Variants in POLD1 observed in about 807,000 individuals in gnomAD.
POLD1 encodes the protein DNA polymerase delta 1, catalytic subunit, also known as DNA polymerase delta catalytic subunit.
A neutral mutation model predicts 129.7 loss-of-function variants in POLD1; 79 were observed. That is an observed-to-expected ratio of 0.61 (90% CI 0.51 to 0.73). The LOEUF is 0.73. Ranked by LOEUF, POLD1 falls within the 30% of genes least tolerant of loss-of-function variation. POLD1 has a pLI of 0.00. For synonymous variants in POLD1, 714 were observed against 683.3 expected, an observed-to-expected ratio of 1.04 and a Z score of -0.70; for missense variants, 1,338 against 1,595.8, an observed-to-expected ratio of 0.84 and a Z score of 2.75.
chr19:50,409,121 G>C lies in POLD1; in HGVS notation c.1893-1G>C. Reference sequence around the variant, plus strand: ...AGTCACCCCAACATCTTCCAACCCAGCCTGACTGAGGATCAGTTCATCAGG... The same window carrying C: ...AGTCACCCCAACATCTTCCAACCCACCCTGACTGAGGATCAGTTCATCAGG... On this transcript the variant is annotated splice_acceptor_variant, in intron 15 of 26. Transcript: ENST00000440232. LOFTEE classifies it high-confidence loss of function. This position sits in a 1 kb window ranked among gnomAD's most constrained non-coding sequence, Gnocchi z 5.8. 1 of 1,606,044 alleles carries C rather than the reference G, an allele frequency of 6.2e-7. No individual in the cohort carries two copies. The highest frequency in any genetic ancestry group is 8.5e-7 in the Non-Finnish European group (1 of 1,172,814).
chr19:50,401,225 G>A (rs1344353286), intron 3 of POLD1, among the ~76,000 whole-genome samples: 2 of 148,138 alleles, frequency 1.4e-5, no homozygotes, highest in African/African-American at 4.9e-5. Context: ...GGAGGTGGTT[G>A]AAATATAAAT....
Position 50,407,116 on chromosome 19 carries a change from T to C in POLD1, c.1628T>C (p.Leu543Pro). The part of the protein sequence containing the change: ...VEMARVTGVP[L>P]SYLLSRGQQV... ...ATGGCGAGGGTCACTGGCGTGCCCC[T>C]CAGCTACCTGCTCAGTCGTGGCCAG... The change falls in exon 13 of 27, where the codon CTC (leucine) becomes CCC (proline). Residue 543 changes from leucine to proline, a missense_variant. Physicochemically the swap from Leu to Pro is moderately conservative, Grantham distance 98 (BLOSUM62 -3). Around this residue, in one of 3 missense-constraint regions of POLD1, gnomAD observed 720 missense variants for 1,002.6 expected, o/e 0.72. Coordinates refer to ENST00000440232, the MANE Select transcript of POLD1 (RefSeq NM_002691.4). 6.2e-7 allele frequency: 1 copy of C among 1,613,376 alleles called. No individual in the cohort carries two copies. Among genetic ancestry groups the C allele is most frequent in the East Asian group, 2.2e-5 (1 of 44,878 alleles).
intron 1 of POLD1, among the ~76,000 whole-genome samples, chr19:50,394,504 A>T (rs1208390934): frequency 6.6e-6 from 1 of 152,016 alleles, no homozygotes; most frequent in Non-Finnish European, 1.5e-5. Context: ...ATACAAAAAA[A>T]AATTAGCGGG....
At chr19:50,416,895 G>C in intron 24 of POLD1, 150 bp from the exon 25 acceptor site, 1 of 1,036,336 alleles carries the variant, frequency 9.6e-7, no homozygotes, top group Non-Finnish European at 1.4e-6. Flanking sequence ...CCCACCCCGG[G>C]AGTTCCCCAG....
chr19:50,397,104 A>G (rs569342876), intron 1 of POLD1, among the ~76,000 whole-genome samples: 2 of 123,396 alleles, frequency 1.6e-5, no homozygotes, highest in East Asian at 5.3e-4. Context: ...AAAAAAAAAA[A>G]AAAGAAAACA....
rs3219421 is a variant in POLD1, at chr19:50,413,332, G to T, written c.2155-94G>T. On this transcript the variant is annotated intron_variant, in intron 17 of 26. Transcript: ENST00000440232. The stretch of plus-strand genomic sequence containing the variant: ...GGCTTGTACATAAGCCTATGCCACT[G>T]GGAAATGGCAGAGGCGGGACCCCTC... 1,254 of 1,011,456 alleles carry T rather than the reference G, an allele frequency of 1.2e-3. 8 individuals are homozygous for T. The African/African-American group carries it at 0.017, about 14-fold the overall frequency. 62.7% of individuals were successfully genotyped at this position (1,011,456 alleles called of 1,614,324 possible).
At chr19:50,400,622 T>A (rs1364898242) in intron 3 of POLD1, among the ~76,000 whole-genome samples, 1 of 135,884 alleles carries the variant, frequency 7.4e-6, no homozygotes, top group Non-Finnish European at 1.5e-5. Flanking sequence ...AACCTCAACC[T>A]CCAGGGCTCA....
chr19:50,405,214 A>G (rs1380736887), intron 10 of POLD1, among the ~76,000 whole-genome samples: 2 of 152,088 alleles, frequency 1.3e-5, no homozygotes, highest in Non-Finnish European at 2.9e-5. Flanking sequence ...CCTAGCCCAC[A>G]TGTCCTCTTT....
chr19:50,413,078 G>A (rs947342838), intron 17 of POLD1, among the ~76,000 whole-genome samples: 1 of 152,132 alleles, frequency 6.6e-6, no homozygotes, highest in Non-Finnish European at 1.5e-5. Context: ...TGGCTATGTC[G>A]GTGGTCCTGT....
Position 50,407,227 on chromosome 19 carries a change from C to A in POLD1, c.1686+53C>A, listed in dbSNP as rs1403120667. ...CCCCCCACCAGGCACGTCTGTGGCC[C>A]CCTCCAGGCAATGGCATCCTGGATG... On this transcript the variant is annotated intron_variant, in intron 13 of 26. Coordinates refer to ENST00000440232, the MANE Select transcript of POLD1 (RefSeq NM_002691.4). 5 of 1,557,544 alleles carry A rather than the reference C, an allele frequency of 3.2e-6. No homozygotes were observed. The African/African-American group carries it at 6.8e-5, about 21-fold the overall frequency.
chr19:50,387,499 TGA>T (rs963670028), intron 1 of POLD1, among the ~76,000 whole-genome samples: 1 of 152,112 alleles, frequency 6.6e-6, no homozygotes, highest in African/African-American at 2.4e-5. Flanking sequence ...CCAGGGCCAA[TGA>T]GAGGGGACAC....
At chr19:50,400,133 ATTTTTTT>A (rs71182715) in intron 3 of POLD1, among the ~76,000 whole-genome samples, 922 of 48,128 alleles carry the variant, frequency 0.019, 3 homozygotes, top group Non-Finnish European at 0.022. Flanking sequence ...TTTTTAAAAG[ATTTTTTT>A]TTTTTTTTTT....
At chr19:50,385,314 G>T (rs1027509920) in intron 1 of POLD1, among the ~76,000 whole-genome samples, 4 of 152,152 alleles carry the variant, frequency 2.6e-5, no homozygotes, top group Admixed American at 2.6e-4. Context: ...GGAGCAAGGG[G>T]AAGAGTCCAG....
At chr19:50,389,555 T>G (rs1568605570) in intron 1 of POLD1, among the ~76,000 whole-genome samples, 1 of 152,116 alleles carries the variant, frequency 6.6e-6, no homozygotes, top group Non-Finnish European at 1.5e-5. Flanking sequence ...CACGTGTCCC[T>G]GTAATATTCT....
At chr19:50,401,028 G>A (rs571746452) in intron 3 of POLD1, among the ~76,000 whole-genome samples, 1 of 151,362 alleles carries the variant, frequency 6.6e-6, no homozygotes, top group Admixed American at 6.6e-5. Context: ...TTTTGGGCCC[G>A]GCATGGTGGC....
intron 1 of POLD1, among the ~76,000 whole-genome samples, chr19:50,388,258 C>G (rs1050794508): frequency 6.6e-6 from 1 of 152,096 alleles, no homozygotes; most frequent in African/African-American, 2.4e-5. Context: ...TGATGGTTGC[C>G]TAACTCTGAA....
rs2038681850 is a variant in POLD1, at chr19:50,402,365, T to C, written c.750T>C (p.Phe250=). The change falls in exon 6 of 27, where the codon TTT becomes TTC. Residue 250 remains phenylalanine, a synonymous_variant. Coordinates refer to ENST00000440232, the MANE Select transcript of POLD1 (RefSeq NM_002691.4). ...SFAPYEANVD[F]EIRFMVDTDI... ...CGCCCTACGAGGCCAACGTCGACTT[T>C]GAGATCCGGTACGGCCTCTGCCTCA... 1.9e-6 allele frequency: 3 copies of C among 1,611,200 alleles called. No homozygotes were observed. Among genetic ancestry groups the C allele is most frequent in the Admixed American group, 3.3e-5 (2 of 59,918 alleles).
At position 50,415,008 on chromosome 19, in the gene POLD1, C is replaced by T. The variant is rs2122468660; in HGVS notation, c.2564+18C>T. The T allele has an allele frequency of 6.6e-7, 1 of 1,525,098 alleles. No individual in the cohort carries two copies. Among genetic ancestry groups the T allele is most frequent in the South Asian group, 1.2e-5 (1 of 81,622 alleles). The allele number at this position is 1,525,098 out of a possible 1,614,324, so 94.5% of individuals were successfully genotyped here. On this transcript the variant is annotated intron_variant, in intron 20 of 26. Coordinates refer to ENST00000440232, the MANE Select transcript of POLD1 (RefSeq NM_002691.4). Reference sequence around the variant, plus strand: ...ATCGACCGGTGTGTGGGGCCTCCTCCCTCAGACTCAGGGGGCTGGGCCCCA... The same window carrying T: ...ATCGACCGGTGTGTGGGGCCTCCTCTCTCAGACTCAGGGGGCTGGGCCCCA...
intron 24 of POLD1, 44 bp downstream of exon 24, chr19:50,416,767 C>A (rs1469568463): frequency 1.4e-6 from 2 of 1,392,472 alleles, no homozygotes; most frequent in Non-Finnish European, 2.0e-6. Context: ...CCTCAACCTG[C>A]TCTGCCGTCA....
Sources: allele counts gnomAD v4.1 joint callset (sites outside exome capture counted in the v4.1 genomes callset), GRCh38; gene constraint gnomAD v4.1.1; regional missense constraint gnomAD v4.1.1; non-coding constraint Gnocchi (gnomAD v3.1); transcripts MANE v1.5; gene names NCBI Gene and HGNC (gene_info 2026-07-23, HGNC 2026-07-21).